Variants in ASPM observed in about 807,000 individuals in gnomAD.
The protein encoded by ASPM is abnormal spindle-like microcephaly-associated protein.
A neutral mutation model predicts 366.4 loss-of-function variants in ASPM; 256 were observed. That is an observed-to-expected ratio of 0.70 (90% CI 0.63 to 0.77). The LOEUF (loss-of-function observed/expected upper bound fraction) is 0.77, where lower values mean the gene tolerates loss of function less well. ASPM is among the 30% of genes least tolerant of loss of function. The pLI is 0.00. For missense variants in ASPM, 4,146 were observed against 4,090.4 expected, an observed-to-expected ratio of 1.01 and a Z score of -0.37; for synonymous variants, 1,414 against 1,342.9, an observed-to-expected ratio of 1.05 and a Z score of -1.16.
rs117337274 is a variant in ASPM, at chr1:197,114,561, A to G, written c.4065+3228T>C. 1.1e-4 allele frequency among the ~76,000 whole-genome samples: 17 copies of G among 152,270 alleles called. No individual in the cohort carries two copies. In the East Asian group the frequency reaches 3.3e-3, roughly 29 times the overall value. On this transcript the variant is annotated intron_variant, in intron 17 of 27. Coordinates refer to ENST00000367409, the MANE Select transcript of ASPM (RefSeq NM_018136.5). ...GTCAACTAAATTTATATACTGTTTT[A>G]AATTTTACAAAAAGTACATTTTTTT... is the stretch of plus-strand genomic sequence containing the variant.
intron 17 of ASPM, among the ~76,000 whole-genome samples, chr1:197,113,606 A>G (rs1402356622): frequency 1.3e-5 from 2 of 152,158 alleles, no homozygotes; most frequent in African/African-American, 4.8e-5. Context: ...GATAAAGAAG[A>G]TAAAGAAACA....
Position 197,104,152 on chromosome 1 carries a change from T to C in ASPM, c.5099A>G (p.His1700Arg). ...KMKQTRKQYL[H>R]LRAAALFIQQ... is the part of the protein sequence containing the mutation. ...GATAAATAGTGCAGCTGCTCTTAAA[T>C]GCAAATATTGTTTACGTGTTTGTTT... Residue 1700 changes from histidine to arginine, a missense_variant, in exon 18 of 28, where the codon CAT becomes CGT. By Grantham distance (29) the His-to-Arg change is conservative. This residue lies in a region of ASPM where 3,624 missense variants were observed against 3,591.7 expected (regional missense o/e 1.01). Coordinates refer to ENST00000367409, the MANE Select transcript of ASPM (RefSeq NM_018136.5). The C allele has an allele frequency of 6.2e-7, 1 of 1,612,876 alleles. No individual in the cohort carries two copies. The highest frequency in any genetic ancestry group is 8.5e-7 in the Non-Finnish European group (1 of 1,179,368).
intron 17 of ASPM, among the ~76,000 whole-genome samples, chr1:197,111,400 G>T (rs781323778): frequency 4.6e-5 from 7 of 151,898 alleles, no homozygotes; most frequent in Non-Finnish European, 1.0e-4. Context: ...CACCCGTCAA[G>T]ATGGCTGTTT....
intron 4 of ASPM, among the ~76,000 whole-genome samples, chr1:197,137,420 A>C (rs1658451979): frequency 6.6e-6 from 1 of 152,178 alleles, no homozygotes; most frequent in African/African-American, 2.4e-5. Flanking sequence ...TTCTTCCCCC[A>C]AATTATAAAA....
At position 197,144,085 on chromosome 1, in the gene ASPM, C is replaced by T. The variant is rs746555845; in HGVS notation, c.313G>A (p.Val105Ile). 1.4e-5 allele frequency: 22 copies of T among 1,604,510 alleles called. No individual in the cohort carries two copies. The highest frequency in any genetic ancestry group is 1.9e-5 in the Non-Finnish European group (22 of 1,171,806). ...AGTGGTGTCCAGTTAACAGAAATAA[C>T]AATTTTCTCTTTAGGCTATAATCAA... ...CFVLQPKEKI[V>I]ISVNWTPLKE... The change falls in exon 2 of 28, where the codon GTT (valine) becomes ATT (isoleucine). Residue 105 changes from valine (V) to isoleucine (I), a missense_variant. Physicochemically the swap from Val to Ile is conservative, Grantham distance 29. Transcript: ENST00000367409.
intron 10 of ASPM, 105 bp from the exon 11 acceptor site, chr1:197,125,296 G>GCTTT (rs1658057154): frequency 1.5e-6 from 2 of 1,367,094 alleles, no homozygotes; most frequent in Non-Finnish European, 1.0e-6. Context: ...CAGTTACAGG[G>GCTTT]CTTTATGATC....
intron 1 of ASPM, among the ~76,000 whole-genome samples, chr1:197,144,873 A>G (rs1441089069): frequency 6.6e-6 from 1 of 152,222 alleles, no homozygotes; most frequent in African/African-American, 2.4e-5. Context: ...AAATAATATA[A>G]CATCATAAAC....
Position 197,103,378 on chromosome 1 carries a change from C to G in ASPM, c.5873G>C (p.Trp1958Ser), listed in dbSNP as rs1326762158. Residue 1958 changes from tryptophan (W) to serine (S), a missense_variant, in exon 18 of 28, where the codon TGG becomes TCG. Trp to Ser is a radical substitution (Grantham distance 177). Around this residue, in one of 3 missense-constraint regions of ASPM, gnomAD observed 3,624 missense variants for 3,591.7 expected, o/e 1.01. Transcript: ENST00000367409. ...RHAVLVLQSM[W>S]KGKTLRRQLQ... Reference sequence around the variant, plus strand: ...CTGTCTTCTCAGTGTTTTTCCCTTCCACATAGATTGAAGCACCAGTACCGC... The same window carrying G: ...CTGTCTTCTCAGTGTTTTTCCCTTCGACATAGATTGAAGCACCAGTACCGC... 3 of 1,613,220 alleles carry G rather than the reference C, an allele frequency of 1.9e-6. No homozygotes were observed. The East Asian group carries it at 6.7e-5, about 36-fold the overall frequency.
chr1:197,130,388 C>A (rs973565387), intron 7 of ASPM, among the ~76,000 whole-genome samples: 2 of 152,050 alleles, frequency 1.3e-5, no homozygotes, highest in Non-Finnish European at 2.9e-5. Flanking sequence ...ATAACTGTCC[C>A]ATTAAGTACA....
intron 6 of ASPM, 92 bp downstream of exon 6, chr1:197,133,258 C>A: frequency 7.3e-7 from 1 of 1,366,114 alleles, no homozygotes; most frequent in Non-Finnish European, 1.0e-6. Context: ...TTTTACCTGT[C>A]AATTATATGT....
chr1:197,145,871 A>ATATATATATATATATATATATATATAT (rs1557967356), intron 1 of ASPM, among the ~76,000 whole-genome samples: 1 of 148,442 alleles, frequency 6.7e-6, no homozygotes, highest in East Asian at 2.0e-4. Flanking sequence ...TATATATAAT[A>ATATATATATATATATATATATATATAT]TTGACACATA....
At chr1:197,107,919 T>G (rs1043546365) in intron 17 of ASPM, among the ~76,000 whole-genome samples, 2 of 152,112 alleles carry the variant, frequency 1.3e-5, no homozygotes, top group Non-Finnish European at 2.9e-5. Context: ...AAACAAATAG[T>G]TGTGACCATA....
At position 197,090,332 on chromosome 1, in the gene ASPM, A is replaced by G; in HGVS notation, c.9693T>C (p.Ala3231=). Residue 3231 remains alanine (A), a synonymous_variant, in exon 24 of 28, where the codon GCT becomes GCC. Transcript: ENST00000367409. ...TAACAACTTGAAGACTTAGTCGTAT[A>G]GCTTTAATTTTTGTACAATCATTTT... ...RKKNDCTKIK[A]IRLSLQVVNR... 6.2e-7 allele frequency: 1 copy of G among 1,612,752 alleles called. No individual in the cohort carries two copies. Among genetic ancestry groups the G allele is most frequent in the Non-Finnish European group, 8.5e-7 (1 of 1,179,252 alleles).
rs368000478 is a variant in ASPM at position 197,093,194 on chromosome 1, C to G, written c.9152G>C (p.Arg3051Pro). 1 of 1,612,466 alleles carries G rather than the reference C, an allele frequency of 6.2e-7. No individual in the cohort carries two copies. Residue 3051 changes from arginine to proline, a missense_variant, in exon 21 of 28, where the codon CGG becomes CCG. Coordinates refer to ENST00000367409, the MANE Select transcript of ASPM (RefSeq NM_018136.5). ...RGYKGRQVFL[R>P]QKSAALIIQK... ...TATGATCAAAGCAGCAGATTTCTGC[C>G]GAAGAAAGACCTGCCTTCCTTTATA... is the stretch of plus-strand genomic sequence containing the variant.
At chr1:197,105,325 T>G in intron 17 of ASPM, 140 bp from the exon 18 acceptor site, 4 of 739,566 alleles carry the variant, frequency 5.4e-6, no homozygotes, top group Non-Finnish European at 8.7e-6. Flanking sequence ...TGTGAGATAT[T>G]TGTCTCTTTT....
chr1:197,095,609 A>G (rs979403923), intron 19 of ASPM, among the ~76,000 whole-genome samples: 10 of 151,804 alleles, frequency 6.6e-5, no homozygotes, highest in Non-Finnish European at 1.2e-4. Context: ...AAAGAAAAAA[A>G]GAATGAGTAA....
In ASPM at chr1:197,101,439, T is replaced by A. The variant is rs369991422; in HGVS notation, c.7812A>T (p.Lys2604Asn). The change falls in exon 18 of 28, where the codon AAA (lysine) becomes AAT (asparagine). Residue 2604 changes from lysine to asparagine, a missense_variant. Physicochemically the swap from Lys to Asn is moderately conservative, Grantham distance 94 (BLOSUM62 0). Coordinates refer to ENST00000367409, the MANE Select transcript of ASPM (RefSeq NM_018136.5). ...QKVFQHNELK[K>N]ETCVQAGFQD... ...GAAAACCTGCCTGAACACAAGTCTCTTTCTTAAGTTCATTGTGTTGAAATA... is the reference window on the plus strand; with the variant it reads ...GAAAACCTGCCTGAACACAAGTCTCATTCTTAAGTTCATTGTGTTGAAATA... 94 of 1,608,934 alleles carry A rather than the reference T, an allele frequency of 5.8e-5. No individual in the cohort carries two copies. In the African/African-American group the frequency reaches 1.1e-3, roughly 19 times the overall value.
At chr1:197,111,242 AAAAC>A (rs1191398397) in intron 17 of ASPM, among the ~76,000 whole-genome samples, 2 of 152,158 alleles carry the variant, frequency 1.3e-5, no homozygotes, top group Middle Eastern at 3.4e-3. Context: ...CAAAAAACAA[AAAAC>A]AAATAACCCC....
At chr1:197,129,857 G>A (rs1232850864) in intron 8 of ASPM, 58 bp downstream of exon 8, 39 of 1,570,158 alleles carry the variant, frequency 2.5e-5, no homozygotes, top group Middle Eastern at 1.7e-4. Context: ...CAGGAAGAAT[G>A]ACAATAAGCC....
Sources: gnomAD v4.1 joint callset for allele counts (sites outside exome capture counted in the v4.1 genomes callset) on GRCh38, gnomAD v4.1.1 for gene constraint, gnomAD v4.1.1 regional missense constraint, MANE v1.5 for transcripts, NCBI Gene and HGNC (gene_info 2026-07-23, HGNC 2026-07-21) for gene names.